Variants in ST6GALNAC3 observed in about 807,000 individuals in gnomAD.
ST6GALNAC3 encodes the protein alpha-N-acetylgalactosaminide alpha-2,6-sialyltransferase 3.
A neutral mutation model predicts 32.7 loss-of-function variants in ST6GALNAC3; 25 were observed. That is an observed-to-expected ratio of 0.76 (90% CI 0.56 to 1.07). The LOEUF is 1.07. ST6GALNAC3 is among the 50% of genes least tolerant of loss of function. ST6GALNAC3 has a pLI of 0.00. For synonymous variants in ST6GALNAC3, 129 were observed against 133.1 expected (o/e 0.97, Z 0.21); for missense variants, 355 against 382.4 (o/e 0.93, Z 0.60).
intron 3 of ST6GALNAC3, among the ~76,000 whole-genome samples, chr1:76,525,791 G>GTGTGTGTGTATATATATATATA (rs1438917629): frequency 1.3e-5 from 1 of 75,530 alleles, no homozygotes; most frequent in Non-Finnish European, 3.0e-5. Flanking sequence ...GTGTGTGTGT[G>GTGTGTGTGTATATATATATATA]TATATATATA....
intron 1 of ST6GALNAC3, among the ~76,000 whole-genome samples, chr1:76,193,079 A>G (rs979170718): frequency 1.9e-4 from 29 of 152,188 alleles, no homozygotes; most frequent in Non-Finnish European, 2.8e-4. Flanking sequence ...ACTAGAAACA[A>G]GCTTTTGTGC....
intron 3 of ST6GALNAC3, among the ~76,000 whole-genome samples, chr1:76,501,200 T>C (rs988988417): frequency 2.0e-5 from 3 of 152,166 alleles, no homozygotes; most frequent in Non-Finnish European, 4.4e-5. Context: ...CTTGCTATTA[T>C]CTTGAGCCAA....
intron 3 of ST6GALNAC3, among the ~76,000 whole-genome samples, chr1:76,472,406 C>A (rs1031597629): frequency 2.6e-5 from 4 of 152,050 alleles, no homozygotes; most frequent in Non-Finnish European, 4.4e-5. Context: ...TTGCCACTGA[C>A]AACTAGAATG....
intron 3 of ST6GALNAC3, among the ~76,000 whole-genome samples, chr1:76,600,548 CA>C (rs974367040): frequency 7.9e-5 from 12 of 152,104 alleles, no homozygotes; most frequent in African/African-American, 2.9e-4. Flanking sequence ...CATTCCCCTC[CA>C]AAAAAGTCTA....
intron 3 of ST6GALNAC3, among the ~76,000 whole-genome samples, chr1:76,469,097 A>C (rs141714027): frequency 6.6e-6 from 1 of 152,072 alleles, no homozygotes; most frequent in Non-Finnish European, 1.5e-5. Flanking sequence ...CAATTCTTGC[A>C]TATGTTTATT....
At chr1:76,581,997 A>G (rs796375674) in intron 3 of ST6GALNAC3, among the ~76,000 whole-genome samples, 9 of 152,208 alleles carry the variant, frequency 5.9e-5, no homozygotes, top group African/African-American at 1.9e-4. Flanking sequence ...TAGTCAATCT[A>G]TGTTTTCTTT....
intron 3 of ST6GALNAC3, among the ~76,000 whole-genome samples, chr1:76,534,845 G>A (rs1207924381): frequency 6.6e-6 from 1 of 152,032 alleles, no homozygotes; most frequent in Non-Finnish European, 1.5e-5. Context: ...CATAAGAAAG[G>A]GTTATGGAAT....
intron 2 of ST6GALNAC3, among the ~76,000 whole-genome samples, chr1:76,374,381 G>A (rs11806042): frequency 0.013 from 1,929 of 152,296 alleles, 40 homozygotes; most frequent in African/African-American, 0.045. Flanking sequence ...AGTAATAATG[G>A]TTAGGGATGA....
At chr1:76,119,010 A>G (rs565800019) in intron 1 of ST6GALNAC3, among the ~76,000 whole-genome samples, 1 of 152,194 alleles carries the variant, frequency 6.6e-6, no homozygotes, top group East Asian at 1.9e-4. Context: ...TTTAGTAGAG[A>G]CGGGGTTTCA....
intron 3 of ST6GALNAC3, among the ~76,000 whole-genome samples, chr1:76,435,183 G>A (rs748101607): frequency 1.4e-4 from 21 of 151,846 alleles, no homozygotes; most frequent in African/African-American, 3.6e-4. Context: ...TGACTTAAAC[G>A]TCTATGTATT....
chr1:76,398,829 A>C (rs577068139), intron 2 of ST6GALNAC3, among the ~76,000 whole-genome samples: 10 of 152,158 alleles, frequency 6.6e-5, no homozygotes, highest in African/African-American at 2.4e-4. Context: ...AAAAGTTTAC[A>C]CTCCCGTTTG....
At chr1:76,554,762 C>T (rs1053953053) in intron 3 of ST6GALNAC3, among the ~76,000 whole-genome samples, 4 of 152,112 alleles carry the variant, frequency 2.6e-5, no homozygotes, top group African/African-American at 9.7e-5. Context: ...ATTACAATCC[C>T]TGGGCTGCTG....
intron 1 of ST6GALNAC3, among the ~76,000 whole-genome samples, chr1:76,283,149 G>C (rs115026048): frequency 6.6e-6 from 1 of 152,056 alleles, no homozygotes; most frequent in African/African-American, 2.4e-5. Context: ...AGAGTGCTCC[G>C]GAACAATGGT....
At chr1:76,430,135 T>C (rs1465025993) in intron 3 of ST6GALNAC3, among the ~76,000 whole-genome samples, 1 of 152,210 alleles carries the variant, frequency 6.6e-6, no homozygotes, top group African/African-American at 2.4e-5. Context: ...CTTCAAAATA[T>C]TCTTTGATTA....
chr1:76,250,025 GC>G (rs751564636), intron 1 of ST6GALNAC3, among the ~76,000 whole-genome samples: 44 of 151,906 alleles, frequency 2.9e-4, no homozygotes, highest in Non-Finnish European at 4.7e-4. Flanking sequence ...TATATGATTT[GC>G]AAGCATTTTC....
chr1:76,591,138 G>T (rs1272713714), intron 3 of ST6GALNAC3, among the ~76,000 whole-genome samples: 1 of 151,970 alleles, frequency 6.6e-6, no homozygotes, highest in Non-Finnish European at 1.5e-5. Flanking sequence ...GAAATACAAA[G>T]GAGATATGAA....
At chr1:76,586,823 C>CT (rs1336115546) in intron 3 of ST6GALNAC3, among the ~76,000 whole-genome samples, 1 of 152,176 alleles carries the variant, frequency 6.6e-6, no homozygotes, top group Non-Finnish European at 1.5e-5. Context: ...GATATAGAAA[C>CT]TATGGTCTTC....
intron 1 of ST6GALNAC3, among the ~76,000 whole-genome samples, chr1:76,254,811 C>A (rs1657824666): frequency 6.6e-6 from 1 of 151,950 alleles, no homozygotes; most frequent in South Asian, 2.1e-4. Context: ...CCGTTCGCAT[C>A]CCATCTGTGA....
intron 2 of ST6GALNAC3, chr1:76,353,750 G>A (rs920883642): frequency 2.0e-5 from 3 of 152,584 alleles, no homozygotes; most frequent in Non-Finnish European, 4.4e-5. Flanking sequence ...CCTTCCCAGA[G>A]GCCCCAGGGC....
Sources: gnomAD v4.1 joint callset for allele counts (sites outside exome capture counted in the v4.1 genomes callset) on GRCh38, gnomAD v4.1.1 for gene constraint, MANE v1.5 for transcripts, NCBI Gene and HGNC (gene_info 2026-07-23, HGNC 2026-07-21) for gene names.